The following ERC1 variants were observed in gnomAD, a reference collection of about 807,000 sequenced individuals.
ERC1 encodes RAB6 interacting protein 2.
Under a neutral mutation model 132.0 loss-of-function variants are expected in ERC1, and 56 were observed. The ratio of observed to expected loss-of-function variants is 0.42; its 90% CI spans 0.34 to 0.53. The LOEUF is 0.53. Ranked by LOEUF, ERC1 falls within the 20% of genes least tolerant of loss-of-function variation. The pLI is 0.03. For synonymous variants in ERC1, 478 were observed against 476.1 expected (o/e 1.00, Z -0.05); for missense variants, 1,202 against 1,349.9 (o/e 0.89, Z 1.72).
At chr12:1,259,768 C>A (rs545578563) in intron 13 of ERC1, among the ~76,000 whole-genome samples, 1 of 152,190 alleles carries the variant, frequency 6.6e-6, no homozygotes, top group South Asian at 2.1e-4. Flanking sequence ...CGTGATCCAC[C>A]CGCCTTGGCC....
At chr12:1,121,667 C>G (rs1213287048) in intron 7 of ERC1, among the ~76,000 whole-genome samples, 1 of 54,752 alleles carries the variant, frequency 1.8e-5, no homozygotes, top group East Asian at 5.0e-4. Flanking sequence ...CTATCTCTAT[C>G]TCTATCTCTA....
intron 10 of ERC1, 52 bp downstream of exon 10, chr12:1,182,117 C>CATTA (rs1566169979): frequency 6.4e-7 from 1 of 1,560,968 alleles, no homozygotes. Context: ...TTGCATGTGT[C>CATTA]TGTATGTTGG....
intron 18 of ERC1, among the ~76,000 whole-genome samples, chr12:1,465,485 G>A (rs577386618): frequency 6.6e-6 from 1 of 152,216 alleles, no homozygotes; most frequent in Non-Finnish European, 1.5e-5. Context: ...TGAAGCTCCT[G>A]TAGGAACAGT....
At chr12:1,418,856 G>A (rs1389655850) in intron 17 of ERC1, among the ~76,000 whole-genome samples, 5 of 151,664 alleles carry the variant, frequency 3.3e-5, no homozygotes, top group Admixed American at 6.6e-5. Flanking sequence ...GGGACTACAC[G>A]CGTGTACCAC....
chr12:1,098,122 C>T (rs1015467555), intron 3 of ERC1, among the ~76,000 whole-genome samples: 11 of 152,210 alleles, frequency 7.2e-5, no homozygotes, highest in African/African-American at 2.7e-4. Flanking sequence ...CTTTCCCTCC[C>T]TACGCCCCAT....
At chr12:1,060,698 C>T (rs1000109422) in intron 2 of ERC1, among the ~76,000 whole-genome samples, 2 of 151,480 alleles carry the variant, frequency 1.3e-5, no homozygotes, top group African/African-American at 4.9e-5. Context: ...GTTACCTTCC[C>T]TTGGGTCCTT....
At chr12:1,322,463 A>G (rs12306260) in intron 15 of ERC1, among the ~76,000 whole-genome samples, 55,036 of 151,964 alleles carry the variant, frequency 0.36, 10,282 homozygotes, top group Middle Eastern at 0.45. Flanking sequence ...ATTTACTTTC[A>G]TTTGTACAAT....
intron 5 of ERC1, 94 bp from the exon 6 acceptor site, chr12:1,112,121 A>G (rs1945947254): frequency 3.9e-6 from 3 of 775,578 alleles, no homozygotes; most frequent in Admixed American, 2.1e-5. Flanking sequence ...TATATAAGTT[A>G]TTGTTATTTC....
intron 16 of ERC1, among the ~76,000 whole-genome samples, chr12:1,383,945 A>G (rs1296737901): frequency 6.6e-6 from 1 of 152,110 alleles, no homozygotes; most frequent in African/African-American, 2.4e-5. Flanking sequence ...AAAGAGGTTA[A>G]GTAACTTGCC....
chr12:1,272,339 G>T (rs961927683), intron 14 of ERC1, among the ~76,000 whole-genome samples: 15 of 152,240 alleles, frequency 9.9e-5, no homozygotes, highest in African/African-American at 3.6e-4. Flanking sequence ...AGGCCCCAGA[G>T]AAATGTCGTA....
chr12:1,177,565 A>G (rs1403182843), intron 8 of ERC1, among the ~76,000 whole-genome samples: 1 of 152,228 alleles, frequency 6.6e-6, no homozygotes, highest in Non-Finnish European at 1.5e-5. Flanking sequence ...TCAGTGGAAC[A>G]GTCAGAACAC....
intron 17 of ERC1, among the ~76,000 whole-genome samples, chr12:1,430,028 G>A (rs756051666): frequency 5.9e-5 from 9 of 152,120 alleles, no homozygotes; most frequent in African/African-American, 1.7e-4. Context: ...TCATGGGACC[G>A]CAATTATCTA....
intron 2 of ERC1, among the ~76,000 whole-genome samples, chr12:1,031,802 A>T (rs78765489): frequency 6.6e-6 from 1 of 152,132 alleles, no homozygotes; most frequent in Non-Finnish European, 1.5e-5. Context: ...AAAGAAAAAA[A>T]GCTAAAATAG....
At chr12:1,369,545 T>C (rs2086981251) in intron 15 of ERC1, among the ~76,000 whole-genome samples, 1 of 152,198 alleles carries the variant, frequency 6.6e-6, no homozygotes, top group Non-Finnish European at 1.5e-5. Flanking sequence ...GTAGCACCCT[T>C]ATTGGGAAAG....
At chr12:1,257,984 G>A (rs965714053) in intron 13 of ERC1, among the ~76,000 whole-genome samples, 4 of 152,082 alleles carry the variant, frequency 2.6e-5, no homozygotes, top group African/African-American at 9.7e-5. Context: ...ATCTCAGTTT[G>A]GACTAGCCAC....
intron 9 of ERC1, 26 bp from the exon 10 acceptor site, chr12:1,181,899 C>A: frequency 6.3e-7 from 1 of 1,588,198 alleles, no homozygotes; most frequent in South Asian, 1.2e-5. Flanking sequence ...GGAATTTCTT[C>A]ACATGTTGAT....
chr12:1,026,163 G>A (rs1027059956), intron 1 of ERC1, among the ~76,000 whole-genome samples: 2 of 152,162 alleles, frequency 1.3e-5, no homozygotes, highest in Admixed American at 6.6e-5. Flanking sequence ...GGCAGAAGGC[G>A]AATGAGGAGC....
chr12:1,094,680 G>T (rs977402912), intron 3 of ERC1, among the ~76,000 whole-genome samples: 4 of 152,092 alleles, frequency 2.6e-5, no homozygotes, highest in African/African-American at 9.7e-5. Context: ...CAAATGCTAG[G>T]ATTACGGACG....
intron 14 of ERC1, among the ~76,000 whole-genome samples, chr12:1,272,296 C>T (rs1177676686): frequency 6.6e-6 from 1 of 152,202 alleles, no homozygotes; most frequent in African/African-American, 2.4e-5. Context: ...TCTGTGGTTC[C>T]AAGGGGAGGC....
Sources: gnomAD v4.1 joint callset for allele counts (sites outside exome capture counted in the v4.1 genomes callset) on GRCh38, gnomAD v4.1.1 for gene constraint, MANE v1.5 for transcripts, NCBI Gene and HGNC (gene_info 2026-07-23, HGNC 2026-07-21) for gene names.